RORA: variants seen among roughly 807,000 people sequenced by gnomAD.
The protein encoded by RORA is RAR related orphan receptor A.
Under a neutral mutation model 69.5 loss-of-function variants are expected in RORA, and 7 were observed. The ratio of observed to expected loss-of-function variants is 0.10; its 90% CI spans 0.06 to 0.19. The LOEUF (loss-of-function observed/expected upper bound fraction) is 0.19. RORA is among the 10% of genes least tolerant of loss of function. The probability of loss-of-function intolerance (pLI) is 1.00; values close to 1 mark genes in which losing one functional copy is unlikely to be tolerated. For missense variants in RORA, 457 were observed against 663.0 expected, an observed-to-expected ratio of 0.69 and a Z score of 3.41; for synonymous variants, 261 against 240.8, an observed-to-expected ratio of 1.08 and a Z score of -0.78.
chr15:60,858,462 G>A lies in RORA; in HGVS notation c.167-179776C>T, dbSNP rs527728992. 2.0e-4 allele frequency among the ~76,000 whole-genome samples: 31 copies of A among 152,246 alleles called. 1 individual carries two copies. Among genetic ancestry groups the A allele is most frequent in the African/African-American group, 7.5e-4 (31 of 41,546 alleles). ...GGCAACTGATGGACTGCAATGTTTG[G>A]ACTCACCCAGTATGGTTCAGAAGGT... On this transcript the variant is annotated intron_variant, in intron 1 of 10. Coordinates refer to ENST00000335670, the MANE Select transcript of RORA (RefSeq NM_134261.3).
At chr15:60,552,255 C>T (rs928035260) in intron 2 of RORA, among the ~76,000 whole-genome samples, 1 of 152,198 alleles carries the variant, frequency 6.6e-6, no homozygotes, top group South Asian at 2.1e-4. Context: ...CACAAGTGCA[C>T]TGCAGTCATT....
intron 1 of RORA, among the ~76,000 whole-genome samples, chr15:60,890,518 G>A (rs939461702): frequency 6.6e-6 from 1 of 152,346 alleles, no homozygotes; most frequent in Non-Finnish European, 1.5e-5. Context: ...CGCTGCAGAG[G>A]AGAACATGTG....
intron 1 of RORA, among the ~76,000 whole-genome samples, chr15:61,222,749 C>T (rs756356950): frequency 1.2e-4 from 18 of 152,154 alleles, no homozygotes; most frequent in Non-Finnish European, 2.5e-4. Flanking sequence ...CATATTCGTC[C>T]AGTGAAAACA....
At chr15:60,684,334 G>A (rs899805468) in intron 1 of RORA, among the ~76,000 whole-genome samples, 1 of 152,164 alleles carries the variant, frequency 6.6e-6, no homozygotes, top group African/African-American at 2.4e-5. Context: ...AAAACGAACA[G>A]GCTGGTCATG....
At chr15:60,577,928 A>C (rs1404165770) in intron 2 of RORA, among the ~76,000 whole-genome samples, 1 of 152,222 alleles carries the variant, frequency 6.6e-6, no homozygotes, top group Admixed American at 6.5e-5. Context: ...TCTGCATTCA[A>C]TCTGTTGTGT....
At chr15:60,934,432 A>T (rs961803798) in intron 1 of RORA, among the ~76,000 whole-genome samples, 1 of 151,988 alleles carries the variant, frequency 6.6e-6, no homozygotes, top group African/African-American at 2.4e-5. Context: ...ACTCCAGAGT[A>T]TTTGACTTAG....
intron 3 of RORA, among the ~76,000 whole-genome samples, chr15:60,523,864 A>G (rs534948211): frequency 6.6e-6 from 1 of 152,252 alleles, no homozygotes; most frequent in South Asian, 2.1e-4. Context: ...TAGAGGAGAC[A>G]GGGTCTCGCT....
chr15:60,950,436 C>A (rs865863789), intron 1 of RORA, among the ~76,000 whole-genome samples: 966 of 86,078 alleles, frequency 0.011, 20 homozygotes, highest in African/African-American at 0.04. Flanking sequence ...TCACACATAA[C>A]AATATTAACT....
At chr15:60,890,190 G>T (rs1354576235) in intron 1 of RORA, among the ~76,000 whole-genome samples, 1 of 152,138 alleles carries the variant, frequency 6.6e-6, no homozygotes, top group East Asian at 1.9e-4. Flanking sequence ...AGAGCTGAAG[G>T]CACTTTCACG....
chr15:60,516,038 T>TA, intron 3 of RORA, among the ~76,000 whole-genome samples: 2 of 7,656 alleles, frequency 2.6e-4, no homozygotes, highest in Non-Finnish European at 6.5e-4. Flanking sequence ...TTTATATATA[T>TA]TTATATATTT....
At chr15:60,610,870 T>C (rs143425158) in intron 2 of RORA, among the ~76,000 whole-genome samples, 1 of 152,312 alleles carries the variant, frequency 6.6e-6, no homozygotes, top group Non-Finnish European at 1.5e-5. Context: ...ATTGTGGAGA[T>C]AAAATATAGA....
rs149697105 is a variant in RORA, at chr15:61,195,296, G to T, written c.166+33757C>A. The stretch of plus-strand genomic sequence containing the variant: ...TTAAACAAGATTCATACCATTAAGG[G>T]TTGCAGTAACTCTCTCAGCCACTAG... On this transcript the variant is annotated intron_variant, in intron 1 of 10. Transcript: ENST00000335670. Among the ~76,000 whole-genome samples the T allele has an allele frequency of 4.1e-4, 62 of 151,956 alleles. No individual in the cohort carries two copies. In the South Asian group the frequency reaches 0.011, roughly 28 times the overall value.
rs1356186002 is a variant in RORA at position 61,226,553 on chromosome 15, A to G, written c.166+2500T>C. 6.6e-6 allele frequency among the ~76,000 whole-genome samples: 1 copy of G among 152,188 alleles called. No individual in the cohort carries two copies. Among genetic ancestry groups the G allele is most frequent in the Non-Finnish European group, 1.5e-5 (1 of 68,044 alleles). ...AAAACCCAAACATTTCCCATTTTCA[A>G]ATCACTCTCAACTACCAGGCATACT... On this transcript the variant is annotated intron_variant, in intron 1 of 10. Transcript: ENST00000335670. This position sits in a 1 kb window ranked among gnomAD's most constrained non-coding sequence, Gnocchi z 4.2.
At chr15:60,621,537 G>T (rs1313861571) in intron 2 of RORA, among the ~76,000 whole-genome samples, 2 of 152,124 alleles carry the variant, frequency 1.3e-5, no homozygotes, top group Non-Finnish European at 2.9e-5. Flanking sequence ...ACTCCAGTGG[G>T]GAGGTCACCA....
chr15:60,867,049 A>G (rs1191052581), intron 1 of RORA, among the ~76,000 whole-genome samples: 1 of 152,090 alleles, frequency 6.6e-6, no homozygotes, highest in Admixed American at 6.5e-5. Flanking sequence ...TATTTTTAGT[A>G]GAGACGGGGT....
intron 1 of RORA, among the ~76,000 whole-genome samples, chr15:61,058,680 G>C (rs2078129253): frequency 2.0e-5 from 3 of 152,150 alleles, no homozygotes; most frequent in African/African-American, 7.2e-5. Context: ...ACAGAGCCAG[G>C]GGATTCAGGA....
intron 1 of RORA, among the ~76,000 whole-genome samples, chr15:60,838,881 CACACACAT>C (rs755688262): frequency 0.077 from 4,690 of 60,822 alleles, 135 homozygotes; most frequent in East Asian, 0.11. Context: ...CACACACACA[CACACACAT>C]ATACTTTTTT....
At chr15:60,817,594 TA>T (rs1288291671) in intron 1 of RORA, among the ~76,000 whole-genome samples, 1 of 152,238 alleles carries the variant, frequency 6.6e-6, no homozygotes. Context: ...GTTTCTTCAG[TA>T]ACACCAGGTC....
intron 1 of RORA, among the ~76,000 whole-genome samples, chr15:60,809,284 G>A (rs1218529359): frequency 6.6e-6 from 1 of 152,168 alleles, no homozygotes; most frequent in Non-Finnish European, 1.5e-5. Context: ...AAATTGTGTG[G>A]TACCAGTGGC....
Sources: gnomAD v4.1 joint callset for allele counts (sites outside exome capture counted in the v4.1 genomes callset) on GRCh38, gnomAD v4.1.1 for gene constraint, Gnocchi (gnomAD v3.1) non-coding constraint, MANE v1.5 for transcripts, NCBI Gene and HGNC (gene_info 2026-07-23, HGNC 2026-07-21) for gene names.